AFG1L: variants seen among roughly 807,000 people sequenced by gnomAD.
AFG1L encodes AFG1-like ATPase.
AFG1L carries 53 observed loss-of-function variants against 62.2 expected under a neutral mutation model. The ratio of observed to expected loss-of-function variants is 0.85; its 90% CI spans 0.68 to 1.07. The LOEUF is 1.07. Among genes scored for constraint, AFG1L ranks in the 50% least tolerant of loss-of-function variants. The pLI is 0.00. For missense variants in AFG1L, 555 were observed against 590.5 expected, an observed-to-expected ratio of 0.94 and a Z score of 0.62; for synonymous variants, 228 against 210.3, an observed-to-expected ratio of 1.08 and a Z score of -0.73.
intron 6 of AFG1L, among the ~76,000 whole-genome samples, chr6:108,384,060 GTA>G (rs1780657152): frequency 9.9e-6 from 1 of 100,712 alleles, no homozygotes. Context: ...GTCCTGGAGA[GTA>G]AAAAAAAAAA....
intron 6 of AFG1L, 101 bp downstream of exon 6, chr6:108,366,433 G>T: frequency 3.3e-6 from 2 of 611,898 alleles, no homozygotes; most frequent in Non-Finnish European, 5.4e-6. Context: ...TAATAAATCT[G>T]ATGACTTTGC....
intron 10 of AFG1L, among the ~76,000 whole-genome samples, chr6:108,488,892 A>G (rs985887068): frequency 1.3e-5 from 2 of 152,072 alleles, no homozygotes; most frequent in Non-Finnish European, 2.9e-5. Context: ...GCAATTACAG[A>G]GTATATTCAG....
intron 10 of AFG1L, among the ~76,000 whole-genome samples, chr6:108,509,289 G>T (rs1319843162): frequency 6.6e-6 from 1 of 152,208 alleles, no homozygotes; most frequent in African/African-American, 2.4e-5. Flanking sequence ...GTATCAGGAG[G>T]CAGTGTACTG....
chr6:108,485,658 T>TATATATATATATA (rs1562190010), intron 10 of AFG1L, among the ~76,000 whole-genome samples: 3 of 13,136 alleles, frequency 2.3e-4, no homozygotes, highest in Non-Finnish European at 3.7e-4. Flanking sequence ...ATATATATAT[T>TATATATATATATA]TTTTTTTTTT....
At chr6:108,384,194 CCTGCTATTCTCATAGAAAATCCAGTCTTT>C (rs1323926425) in intron 6 of AFG1L, among the ~76,000 whole-genome samples, 1 of 152,076 alleles carries the variant, frequency 6.6e-6, no homozygotes, top group Non-Finnish European at 1.5e-5. Context: ...TGCATTGATA[CCTGCTATTCTCATAGAAAATCCAGTCTTT>C]CTGGCCTGAA....
intron 1 of AFG1L, among the ~76,000 whole-genome samples, chr6:108,321,105 G>A (rs780539879): frequency 2.0e-5 from 3 of 152,150 alleles, no homozygotes; most frequent in Non-Finnish European, 4.4e-5. Flanking sequence ...AAAGGGCTCA[G>A]TCCCATAGAA....
At chr6:108,405,276 G>T (rs987529956) in intron 7 of AFG1L, among the ~76,000 whole-genome samples, 2 of 152,114 alleles carry the variant, frequency 1.3e-5, no homozygotes, top group Non-Finnish European at 2.9e-5. Context: ...TTCATAATTT[G>T]TCATGAGACT....
chr6:108,456,455 ATACTATC>A (rs1772255685), intron 8 of AFG1L, among the ~76,000 whole-genome samples: 2 of 152,128 alleles, frequency 1.3e-5, no homozygotes, highest in African/African-American at 4.8e-5. Context: ...GGGTTTAAAT[ATACTATC>A]TTGCTACTTG....
At chr6:108,435,313 G>T (rs1489900354) in intron 7 of AFG1L, among the ~76,000 whole-genome samples, 1 of 152,214 alleles carries the variant, frequency 6.6e-6, no homozygotes, top group Non-Finnish European at 1.5e-5. Context: ...CTGGGCATGG[G>T]AACCACTGGG....
At chr6:108,473,945 G>C (rs1051908574) in intron 8 of AFG1L, among the ~76,000 whole-genome samples, 2 of 152,124 alleles carry the variant, frequency 1.3e-5, no homozygotes, top group African/African-American at 2.4e-5. Context: ...GTAAATGTGT[G>C]CCATGTTGTT....
rs565248476 is a variant in AFG1L, at chr6:108,346,811, C to T, written c.364-177C>T. Among the ~76,000 whole-genome samples, 204 of 152,226 alleles carry T rather than the reference C, an allele frequency of 1.3e-3. 1 individual carries two copies. Among genetic ancestry groups the T allele is most frequent in the Non-Finnish European group, 2.2e-3 (147 of 68,010 alleles). On this transcript the variant is annotated intron_variant, in intron 2 of 12. Coordinates refer to ENST00000368977, the MANE Select transcript of AFG1L (RefSeq NM_145315.5). ...TCATGTATACGTTAGAGTTTTTTCCCTTTTTAAGGCTGCATAATATTTCAG... is the reference window on the plus strand; with the variant it reads ...TCATGTATACGTTAGAGTTTTTTCCTTTTTTAAGGCTGCATAATATTTCAG...
At chr6:108,506,988 T>G (rs1774444677) in intron 10 of AFG1L, among the ~76,000 whole-genome samples, 1 of 152,242 alleles carries the variant, frequency 6.6e-6, no homozygotes, top group Non-Finnish European at 1.5e-5. Flanking sequence ...TGTCATTATT[T>G]TAAATTAGTC....
chr6:108,323,413 G>A (rs1336113989), intron 1 of AFG1L, among the ~76,000 whole-genome samples: 4 of 152,014 alleles, frequency 2.6e-5, no homozygotes, highest in African/African-American at 7.3e-5. Context: ...ACCCAGGCTG[G>A]AGTACAGTGG....
At chr6:108,383,679 GT>G (rs1780640584) in intron 6 of AFG1L, among the ~76,000 whole-genome samples, 1 of 152,158 alleles carries the variant, frequency 6.6e-6, no homozygotes, top group African/African-American at 2.4e-5. Flanking sequence ...TGCAGGGAGA[GT>G]TTACAGATCT....
chr6:108,487,236 A>C (rs533236729), intron 10 of AFG1L, among the ~76,000 whole-genome samples: 9 of 152,342 alleles, frequency 5.9e-5, no homozygotes, highest in Non-Finnish European at 8.8e-5. Context: ...GCTGTGGCAC[A>C]CACTTGTAGT....
At chr6:108,301,609 A>C (rs767733737) in intron 1 of AFG1L, among the ~76,000 whole-genome samples, 5 of 152,278 alleles carry the variant, frequency 3.3e-5, no homozygotes, top group African/African-American at 9.6e-5. Context: ...ATAACTGTTC[A>C]GTTTAAAAGA....
intron 1 of AFG1L, among the ~76,000 whole-genome samples, chr6:108,320,011 AAATT>A (rs1777758231): frequency 6.6e-6 from 1 of 152,122 alleles, no homozygotes; most frequent in African/African-American, 2.4e-5. Context: ...TCTCTTTAAT[AAATT>A]GAGGATTCTA....
chr6:108,349,300 A>G (rs916650223), intron 3 of AFG1L, among the ~76,000 whole-genome samples: 2 of 151,828 alleles, frequency 1.3e-5, no homozygotes, highest in African/African-American at 4.8e-5. Flanking sequence ...CCTGGGCAAC[A>G]TGGCAAAACC....
intron 4 of AFG1L, among the ~76,000 whole-genome samples, chr6:108,356,261 A>G (rs1482089943): frequency 2.0e-5 from 3 of 152,182 alleles, no homozygotes; most frequent in African/African-American, 7.2e-5. Flanking sequence ...CACATAATGA[A>G]TGAAGTGGAC....
Sources: gnomAD v4.1 joint callset for allele counts (sites outside exome capture counted in the v4.1 genomes callset) on GRCh38, gnomAD v4.1.1 for gene constraint, MANE v1.5 for transcripts, NCBI Gene and HGNC (gene_info 2026-07-23, HGNC 2026-07-21) for gene names.